The following UBN2 variants were observed in gnomAD, a reference collection of about 807,000 sequenced individuals.
UBN2 encodes the protein ubinuclein-2.
Under a neutral mutation model 120.2 loss-of-function variants are expected in UBN2, and 35 were observed. That is an observed-to-expected ratio of 0.29 (90% CI 0.22 to 0.39). UBN2 has a LOEUF of 0.39. UBN2 is among the 10% of genes least tolerant of loss of function. The pLI, the probability that UBN2 is intolerant of heterozygous loss-of-function variation, is 1.00. For synonymous variants in UBN2, 661 were observed against 648.7 expected, an observed-to-expected ratio of 1.02 and a Z score of -0.29; for missense variants, 1,693 against 1,663.2, an observed-to-expected ratio of 1.02 and a Z score of -0.31.
the UBN2 span, among the ~76,000 whole-genome samples, chr7:139,316,926 T>G: frequency 6.6e-6 from 1 of 151,832 alleles, no homozygotes; most frequent in African/African-American, 2.4e-5. Flanking sequence ...GTCTTCGATG[T>G]TCCTAAATTT....
At chr7:139,308,915 C>G (rs1226590881), downstream of UBN2, among the ~76,000 whole-genome samples, 3 of 151,968 alleles carry the variant, frequency 2.0e-5, no homozygotes, top group Non-Finnish European at 4.4e-5. Flanking sequence ...GCTGAAAATA[C>G]AAAAATTAGC....
chr7:139,266,430 ACCT>A, intron 7 of UBN2, 27 bp downstream of exon 7: 1 of 1,336,170 alleles, frequency 7.5e-7, no homozygotes, highest in Non-Finnish European at 1.0e-6. Flanking sequence ...AAAAAAAAAA[ACCT>A]TAAGAATGAT....
chr7:139,265,268 G>A (rs1261839903), intron 6 of UBN2, among the ~76,000 whole-genome samples: 1 of 152,058 alleles, frequency 6.6e-6, no homozygotes, highest in Non-Finnish European at 1.5e-5. Flanking sequence ...GGCTGAGGCA[G>A]GAGATCAAGA....
chr7:139,261,402 C>T lies in UBN2; in HGVS notation c.1056C>T (p.Thr352=). ...SNPKVPVTLS[T]PSLNKPPCAA... The stretch of plus-strand genomic sequence containing the variant: ...CCAAAGTCCCAGTGACCTTGTCAAC[C>T]CCTTCTCTGAATAAACCCCCATGTG... Residue 352 remains threonine (T), a synonymous_variant, in exon 6 of 18, where the codon ACC becomes ACT. Coordinates refer to ENST00000473989, the MANE Select transcript of UBN2 (RefSeq NM_173569.4). The T allele has an allele frequency of 1.2e-6, 2 of 1,614,136 alleles. No individual in the cohort carries two copies. Among genetic ancestry groups the T allele is most frequent in the Non-Finnish European group, 1.7e-6 (2 of 1,180,016 alleles).
chr7:139,272,496 A>T, intron 9 of UBN2, 56 bp downstream of exon 9: 1 of 455,000 alleles, frequency 2.2e-6, no homozygotes, highest in Non-Finnish European at 3.8e-6. Context: ...TATGTACGTT[A>T]TGTATGTATG....
At chr7:139,233,546 G>C (rs934316064) in intron 1 of UBN2, among the ~76,000 whole-genome samples, 18 of 152,074 alleles carry the variant, frequency 1.2e-4, no homozygotes, top group Admixed American at 1.0e-3. Context: ...AACTCCACGA[G>C]GTAAAAACTA....
chr7:139,275,236 C>T (rs1797406725), intron 11 of UBN2, among the ~76,000 whole-genome samples: 1 of 146,662 alleles, frequency 6.8e-6, no homozygotes, highest in Non-Finnish European at 1.5e-5. Flanking sequence ...CGAGATTGCA[C>T]CATTGCACTC....
In UBN2 at chr7:139,282,021, C is replaced by A. The variant is rs1797627844; in HGVS notation, c.2084C>A (p.Thr695Asn). ...KPKVKEVMVK[T>N]LPLHSFPTML... ...ATACCTTAGGAGGTGATGGTAAAGA[C>A]CCTTCCTCTCCATTCTTTCCCCACT... Residue 695 changes from threonine (T) to asparagine (N), a missense_variant, in exon 14 of 18, where the codon ACC (threonine) becomes AAC (asparagine). Physicochemically the swap from Thr to Asn is moderately conservative, Grantham distance 65 (BLOSUM62 0). Around this residue, in one of 5 missense-constraint regions of UBN2, gnomAD observed 837 missense variants for 817.6 expected, o/e 1.02. Transcript: ENST00000473989. 1.2e-6 allele frequency: 2 copies of A among 1,613,318 alleles called. No individual in the cohort carries two copies. The highest frequency in any genetic ancestry group is 1.7e-6 in the Non-Finnish European group (2 of 1,179,482).
intron 3 of UBN2, 25 bp downstream of exon 3, chr7:139,252,082 C>A: frequency 6.3e-7 from 1 of 1,581,916 alleles, no homozygotes; most frequent in Non-Finnish European, 8.7e-7. Context: ...TTTAATATAG[C>A]AGCAAATTCA....
rs1378619663 is a variant in UBN2 at position 139,297,776 on chromosome 7, C to G, written c.3995-11C>G. 3 of 1,614,004 alleles carry G rather than the reference C, an allele frequency of 1.9e-6. No individual in the cohort carries two copies. The highest frequency in any genetic ancestry group is 2.2e-5 in the East Asian group (1 of 44,862). Reference sequence around the variant, plus strand: ...ATGGACCCATACCAATTTAACGTCTCTTTTTCTCAGATGGAGGCCAAAGTA... The same window carrying G: ...ATGGACCCATACCAATTTAACGTCTGTTTTTCTCAGATGGAGGCCAAAGTA... On this transcript the variant is annotated splice_polypyrimidine_tract_variant and intron_variant, in intron 17 of 17. Transcript: ENST00000473989.
chr7:139,262,324 TC>T (rs892315575), intron 6 of UBN2, among the ~76,000 whole-genome samples: 1 of 152,058 alleles, frequency 6.6e-6, no homozygotes, highest in African/African-American at 2.4e-5. Flanking sequence ...GGTCTTGAAT[TC>T]CTGACCTCAA....
downstream of UBN2, among the ~76,000 whole-genome samples, chr7:139,312,092 T>G (rs1302596324): frequency 6.6e-6 from 1 of 152,224 alleles, no homozygotes; most frequent in African/African-American, 2.4e-5. Flanking sequence ...ATGCCTTGAT[T>G]CATAGCACAT....
At chr7:139,233,156 A>G (rs1277526742) in intron 1 of UBN2, among the ~76,000 whole-genome samples, 2 of 152,112 alleles carry the variant, frequency 1.3e-5, no homozygotes, top group Admixed American at 6.5e-5. Flanking sequence ...TAATGTTTTG[A>G]TCATTATTTA....
chr7:139,244,811 C>A (rs967531030), intron 2 of UBN2, among the ~76,000 whole-genome samples: 1 of 151,968 alleles, frequency 6.6e-6, no homozygotes, highest in Non-Finnish European at 1.5e-5. Context: ...AAGTTGAGGA[C>A]CTTTTCAAAT....
In UBN2 at chr7:139,283,798, T is replaced by C. The variant is rs1340948748; in HGVS notation, c.2893T>C (p.Ser965Pro). Residue 965 changes from serine (S) to proline (P), a missense_variant, in exon 15 of 18, where the codon TCC becomes CCC. Ser to Pro is a moderately conservative substitution (Grantham distance 74). Around this residue, in one of 5 missense-constraint regions of UBN2, gnomAD observed 837 missense variants for 817.6 expected, o/e 1.02. Coordinates refer to ENST00000473989, the MANE Select transcript of UBN2 (RefSeq NM_173569.4). ...GAAGTTAAGTAATAATCCCCAACTC[T>C]CCTGTTCCTCCTCACTTATTAAGAC... The part of the protein sequence containing the change: ...VVKLSNNPQL[S>P]CSSSLIKTSD... The C allele has an allele frequency of 1.2e-6, 2 of 1,613,964 alleles. No individual in the cohort carries two copies. The highest frequency in any genetic ancestry group is 4.5e-5 in the East Asian group (2 of 44,876).
At position 139,293,269 on chromosome 7, in the gene UBN2, C is replaced by A; in HGVS notation, c.3707C>A (p.Pro1236His). ...AGASLLANAS[P>H]LTLMTSPLSV... Reference sequence around the variant, plus strand: ...GCATCATTATTGGCTAATGCCTCACCTCTGACTCTCATGACATCACCTTTG... The same window carrying A: ...GCATCATTATTGGCTAATGCCTCACATCTGACTCTCATGACATCACCTTTG... Residue 1236 changes from proline to histidine, a missense_variant, in exon 16 of 18, where the codon CCT becomes CAT. Coordinates refer to ENST00000473989, the MANE Select transcript of UBN2 (RefSeq NM_173569.4). The A allele has an allele frequency of 1.9e-6, 3 of 1,614,210 alleles. No homozygotes were observed. The highest frequency in any genetic ancestry group is 2.5e-6 in the Non-Finnish European group (3 of 1,180,038).
rs1023881693 is a variant in UBN2 at position 139,261,395 on chromosome 7, T to C, written c.1049T>C (p.Leu350Ser). ...TCTAACCCCAAAGTCCCAGTGACCT[T>C]GTCAACCCCTTCTCTGAATAAACCC... ...KESNPKVPVT[L>S]STPSLNKPPC... is the part of the protein sequence containing the mutation. The change falls in exon 6 of 18, where the codon TTG becomes TCG. Residue 350 changes from leucine to serine, a missense_variant. Leu to Ser is a moderately radical substitution (Grantham distance 145). This residue lies in a region of UBN2 where 663 missense variants were observed against 591.2 expected (regional missense o/e 1.12). Coordinates refer to ENST00000473989, the MANE Select transcript of UBN2 (RefSeq NM_173569.4). 2 of 1,614,198 alleles carry C rather than the reference T, an allele frequency of 1.2e-6. No individual in the cohort carries two copies. The highest frequency in any genetic ancestry group is 1.7e-6 in the Non-Finnish European group (2 of 1,180,024).
Position 139,283,771 on chromosome 7 carries a change from G to A in UBN2, c.2866G>A (p.Val956Met), listed in dbSNP as rs368539427. ...TISKSQTNPV[V>M]KLSNNPQLSC... ...CAGTAAATCCCAGACCAACCCCGTC[G>A]TGAAGTTAAGTAATAATCCCCAACT... is the stretch of plus-strand genomic sequence containing the variant. The change falls in exon 15 of 18, where the codon GTG becomes ATG. Residue 956 changes from valine (V) to methionine (M), a missense_variant. Around this residue, in one of 5 missense-constraint regions of UBN2, gnomAD observed 837 missense variants for 817.6 expected, o/e 1.02. Transcript: ENST00000473989. 8 of 1,613,686 alleles carry A rather than the reference G, an allele frequency of 5.0e-6. No individual in the cohort carries two copies. The highest frequency in any genetic ancestry group is 2.7e-5 in the African/African-American group (2 of 74,912).
intron 9 of UBN2, 25 bp downstream of exon 9, chr7:139,272,465 G>A: frequency 1.3e-6 from 2 of 1,571,560 alleles, no homozygotes; most frequent in African/African-American, 1.4e-5. Flanking sequence ...TATTTGGACT[G>A]GCTTTTGCAT....
Sources: allele counts gnomAD v4.1 joint callset (sites outside exome capture counted in the v4.1 genomes callset), GRCh38; gene constraint gnomAD v4.1.1; regional missense constraint gnomAD v4.1.1; transcripts MANE v1.5; gene names NCBI Gene and HGNC (gene_info 2026-07-23, HGNC 2026-07-21).